The following BTBD9 variants were observed in gnomAD, a reference collection of about 807,000 sequenced individuals.
BTBD9 encodes BTB/POZ domain-containing protein 9.
Under a neutral mutation model 64.3 loss-of-function variants are expected in BTBD9, and 49 were observed. The observed-to-expected ratio is 0.76, with a 90% CI of 0.61 to 0.97. The LOEUF (loss-of-function observed/expected upper bound fraction) is 0.97. Among genes scored for constraint, BTBD9 ranks in the 50% least tolerant of loss-of-function variants. BTBD9 has a pLI of 0.00. For synonymous variants in BTBD9, 260 were observed against 274.7 expected, an observed-to-expected ratio of 0.95 and a Z score of 0.53; for missense variants, 598 against 762.1, an observed-to-expected ratio of 0.78 and a Z score of 2.53.
At chr6:38,281,836 T>G (rs941999478) in intron 8 of BTBD9, among the ~76,000 whole-genome samples, 2 of 152,362 alleles carry the variant, frequency 1.3e-5, no homozygotes, top group South Asian at 2.1e-4. Context: ...TAAAATATTT[T>G]GGGTATTTCA....
At chr6:38,589,871 T>C (rs780442512) in intron 4 of BTBD9, among the ~76,000 whole-genome samples, 6 of 152,200 alleles carry the variant, frequency 3.9e-5, no homozygotes, top group Non-Finnish European at 8.8e-5. Context: ...AACTCTATTC[T>C]ATCCCAAATG....
At chr6:38,504,623 A>G in intron 6 of BTBD9, 1 of 455,524 alleles carries the variant, frequency 2.2e-6, no homozygotes, top group Non-Finnish European at 4.4e-6. Context: ...TATAGTTTAA[A>G]ATTATATAAA....
chr6:38,238,715 C>T (rs755410980), intron 9 of BTBD9, among the ~76,000 whole-genome samples: 4 of 152,014 alleles, frequency 2.6e-5, no homozygotes, highest in African/African-American at 2.4e-5. Flanking sequence ...CCTGTTGATC[C>T]GCCCACCTCG....
chr6:38,246,451 C>T (rs545453324), intron 9 of BTBD9, among the ~76,000 whole-genome samples: 3 of 148,308 alleles, frequency 2.0e-5, no homozygotes, highest in Non-Finnish European at 4.4e-5. Context: ...ACTTGGCGCA[C>T]GTGCACGTAC....
chr6:38,625,891 A>G (rs759250416), intron 1 of BTBD9, among the ~76,000 whole-genome samples: 1 of 152,230 alleles, frequency 6.6e-6, no homozygotes, highest in African/African-American at 2.4e-5. Context: ...TGTAACAGTC[A>G]TTTCATACTA....
chr6:38,509,852 T>C (rs1271683912), intron 6 of BTBD9, among the ~76,000 whole-genome samples: 2 of 152,188 alleles, frequency 1.3e-5, no homozygotes, highest in Non-Finnish European at 2.9e-5. Context: ...TATTTTCCTA[T>C]CCTGATCAAA....
intron 6 of BTBD9, among the ~76,000 whole-genome samples, chr6:38,546,095 G>C (rs1774544102): frequency 6.6e-6 from 1 of 152,170 alleles, no homozygotes; most frequent in Non-Finnish European, 1.5e-5. Flanking sequence ...TGATGGATTA[G>C]ATGTGGTACA....
intron 7 of BTBD9, among the ~76,000 whole-genome samples, chr6:38,289,242 C>T (rs1761868494): frequency 6.6e-6 from 1 of 152,054 alleles, no homozygotes. Context: ...GGCGTGGTAG[C>T]ACACATCTGT....
At chr6:38,185,236 T>G (rs544827994) in intron 10 of BTBD9, among the ~76,000 whole-genome samples, 2 of 152,360 alleles carry the variant, frequency 1.3e-5, no homozygotes, top group South Asian at 4.1e-4. Context: ...TACAGCCATT[T>G]GAAATCTCAC....
intron 1 of BTBD9, 142 bp from the exon 2 acceptor site, chr6:38,598,263 A>C: frequency 1.7e-6 from 1 of 597,868 alleles, no homozygotes; most frequent in East Asian, 2.9e-5. Context: ...ATCCTTATTA[A>C]CCCATTTATT....
At chr6:38,342,732 T>C (rs1286117989) in intron 7 of BTBD9, among the ~76,000 whole-genome samples, 3 of 152,138 alleles carry the variant, frequency 2.0e-5, no homozygotes, top group East Asian at 1.9e-4. Flanking sequence ...CCAGGTGATT[T>C]TGACATACCT....
chr6:38,567,475 A>T lies in BTBD9; in HGVS notation c.1154+10125T>A, dbSNP rs572866203. On this transcript the variant is annotated intron_variant, in intron 6 of 10. Coordinates refer to ENST00000481247, the MANE Select transcript of BTBD9 (RefSeq NM_001099272.2). ...CAGCTCTTAAATGAGGTCAATGCCAACAGTCCACTCCAATCCACAATCCAC... is the reference window on the plus strand; with the variant it reads ...CAGCTCTTAAATGAGGTCAATGCCATCAGTCCACTCCAATCCACAATCCAC... 2.7e-3 allele frequency among the ~76,000 whole-genome samples: 418 copies of T among 152,320 alleles called. 3 individuals carry two copies. The highest frequency in any genetic ancestry group is 9.7e-3 in the African/African-American group (404 of 41,576).
chr6:38,375,763 A>G (rs1765654317), intron 6 of BTBD9, among the ~76,000 whole-genome samples: 1 of 152,172 alleles, frequency 6.6e-6, no homozygotes, highest in African/African-American at 2.4e-5. Context: ...GTGCAACATT[A>G]ATTCTTTTAA....
At chr6:38,413,878 T>C (rs1328535823) in intron 6 of BTBD9, among the ~76,000 whole-genome samples, 1 of 152,158 alleles carries the variant, frequency 6.6e-6, no homozygotes, top group Non-Finnish European at 1.5e-5. Flanking sequence ...ATGAGAATAA[T>C]AATAATAATC....
chr6:38,219,141 T>C (rs1256850503), intron 9 of BTBD9, among the ~76,000 whole-genome samples: 21 of 143,016 alleles, frequency 1.5e-4, no homozygotes, highest in African/African-American at 3.4e-4. Context: ...TTTTTTTTTT[T>C]TTTTTTTTTT....
At chr6:38,218,781 T>G (rs1364103463) in intron 9 of BTBD9, among the ~76,000 whole-genome samples, 1 of 152,138 alleles carries the variant, frequency 6.6e-6, no homozygotes, top group Non-Finnish European at 1.5e-5. Context: ...TCAGCTTGAC[T>G]TAATTTTTTT....
intron 6 of BTBD9, among the ~76,000 whole-genome samples, chr6:38,408,022 T>G (rs1301576807): frequency 2.0e-5 from 3 of 152,164 alleles, no homozygotes; most frequent in African/African-American, 7.2e-5. Context: ...AACCTAAAAT[T>G]AGGCCACTTT....
At chr6:38,233,252 A>C (rs749269758) in intron 9 of BTBD9, among the ~76,000 whole-genome samples, 2 of 152,204 alleles carry the variant, frequency 1.3e-5, no homozygotes, top group Non-Finnish European at 2.9e-5. Flanking sequence ...TCCTAAATTC[A>C]TTCACTATTT....
chr6:38,566,773 C>T (rs190827218), intron 6 of BTBD9, among the ~76,000 whole-genome samples: 335 of 152,282 alleles, frequency 2.2e-3, no homozygotes, highest in Non-Finnish European at 3.0e-3. Context: ...ATTTTAAGCA[C>T]TGTAGGTATA....
Sources: gnomAD v4.1 joint callset for allele counts (sites outside exome capture counted in the v4.1 genomes callset) on GRCh38, gnomAD v4.1.1 for gene constraint, MANE v1.5 for transcripts, NCBI Gene and HGNC (gene_info 2026-07-23, HGNC 2026-07-21) for gene names.